The following MDGA2 variants were observed in gnomAD, a reference collection of about 807,000 sequenced individuals.
MDGA2 encodes the protein MAM domain-containing glycosylphosphatidylinositol anchor protein 2.
A neutral mutation model predicts 117.8 loss-of-function variants in MDGA2; 40 were observed. The observed-to-expected ratio is 0.34, with a 90% CI of 0.26 to 0.44. The LOEUF (loss-of-function observed/expected upper bound fraction) is 0.44. MDGA2 is among the 20% of genes least tolerant of loss of function. MDGA2 has a pLI of 1.00. For synonymous variants in MDGA2, 452 were observed against 439.0 expected (o/e 1.03, Z -0.37); for missense variants, 1,123 against 1,250.6 (o/e 0.90, Z 1.54).
intron 8 of MDGA2, among the ~76,000 whole-genome samples, chr14:47,032,841 G>A (rs567122218): frequency 6.3e-4 from 96 of 152,218 alleles, no homozygotes; most frequent in African/African-American, 2.1e-3. Flanking sequence ...TATATGGAAG[G>A]GAGGTCCTTG....
intron 6 of MDGA2, among the ~76,000 whole-genome samples, chr14:47,086,614 T>TC (rs939081195): frequency 6.6e-6 from 1 of 151,478 alleles, no homozygotes; most frequent in Non-Finnish European, 1.5e-5. Context: ...AAACATAGAT[T>TC]TTTTTTTACT....
intron 10 of MDGA2, among the ~76,000 whole-genome samples, chr14:46,892,376 T>C (rs1258536191): frequency 6.6e-6 from 1 of 151,970 alleles, no homozygotes; most frequent in Non-Finnish European, 1.5e-5. Context: ...ATTAAAGATC[T>C]ATGCATAAGA....
intron 10 of MDGA2, among the ~76,000 whole-genome samples, chr14:46,919,434 ACATTT>A (rs1207175243): frequency 2.6e-5 from 4 of 152,264 alleles, no homozygotes; most frequent in Non-Finnish European, 5.9e-5. Flanking sequence ...CGTGAATTTA[ACATTT>A]TAACCCTTTG....
chr14:47,297,658 A>G (rs1463519751), intron 2 of MDGA2, among the ~76,000 whole-genome samples: 1 of 152,198 alleles, frequency 6.6e-6, no homozygotes, highest in East Asian at 1.9e-4. Flanking sequence ...TTCTTCATGC[A>G]TCTTTGTAAT....
intron 1 of MDGA2, among the ~76,000 whole-genome samples, chr14:47,394,115 C>T (rs1457390652): frequency 2.0e-5 from 3 of 152,060 alleles, no homozygotes; most frequent in Middle Eastern, 3.4e-3. Context: ...ATATAAATAA[C>T]ATCACAATAA....
At chr14:47,466,704 A>C (rs1053440320) in intron 1 of MDGA2, among the ~76,000 whole-genome samples, 1 of 152,126 alleles carries the variant, frequency 6.6e-6, no homozygotes, top group Non-Finnish European at 1.5e-5. Context: ...GAAGTCTACA[A>C]AATCCTCCTC....
intron 9 of MDGA2, among the ~76,000 whole-genome samples, chr14:46,928,095 A>G (rs1884399246): frequency 6.6e-6 from 1 of 152,154 alleles, no homozygotes; most frequent in African/African-American, 2.4e-5. Context: ...TGCCTCTTCA[A>G]AATAAATCTG....
intron 1 of MDGA2, among the ~76,000 whole-genome samples, chr14:47,430,205 C>G (rs1347331817): frequency 6.6e-6 from 1 of 151,902 alleles, no homozygotes; most frequent in East Asian, 1.9e-4. Context: ...GTGAAAGACC[C>G]TTTCCCAGTG....
At chr14:47,183,177 A>G (rs1158658338) in intron 3 of MDGA2, among the ~76,000 whole-genome samples, 1 of 152,070 alleles carries the variant, frequency 6.6e-6, no homozygotes, top group Non-Finnish European at 1.5e-5. Flanking sequence ...TATCTAATTT[A>G]CTACATTTGA....
chr14:47,181,193 T>C (rs1884689545), intron 3 of MDGA2, among the ~76,000 whole-genome samples: 1 of 152,158 alleles, frequency 6.6e-6, no homozygotes, highest in East Asian at 1.9e-4. Flanking sequence ...TTTTAAGTCC[T>C]GCATGCATTA....
chr14:46,938,559 A>AAAAAAAAAAAAAAAAAAAC (rs1566535268), intron 9 of MDGA2, among the ~76,000 whole-genome samples: 1 of 149,042 alleles, frequency 6.7e-6, no homozygotes, highest in Non-Finnish European at 1.5e-5. Flanking sequence ...AAAAAAAAAA[A>AAAAAAAAAAAAAAAAAAAC]AGAGACATCA....
intron 5 of MDGA2, among the ~76,000 whole-genome samples, chr14:47,102,486 G>C (rs1880395439): frequency 6.6e-6 from 1 of 151,954 alleles, no homozygotes; most frequent in African/African-American, 2.4e-5. Flanking sequence ...ATCTGCTTTA[G>C]TTTGAAAGCA....
At chr14:47,258,106 C>T (rs941597811) in intron 2 of MDGA2, among the ~76,000 whole-genome samples, 8 of 152,070 alleles carry the variant, frequency 5.3e-5, no homozygotes, top group African/African-American at 1.7e-4. Flanking sequence ...CTCCTTGAAT[C>T]ATTTTCCATG....
chr14:46,941,027 C>A (rs1884979160), intron 9 of MDGA2, among the ~76,000 whole-genome samples: 1 of 152,202 alleles, frequency 6.6e-6, no homozygotes, highest in Admixed American at 6.5e-5. Context: ...ACCTGCATCA[C>A]TGTGCCTCTC....
At chr14:47,333,638 C>T (rs957633242) in intron 1 of MDGA2, among the ~76,000 whole-genome samples, 3 of 151,666 alleles carry the variant, frequency 2.0e-5, no homozygotes, top group Non-Finnish European at 4.4e-5. Flanking sequence ...CCACTATCAA[C>T]AATAGGCCAC....
chr14:47,107,685 G>A (rs1880792037), intron 5 of MDGA2, among the ~76,000 whole-genome samples: 1 of 151,248 alleles, frequency 6.6e-6, no homozygotes, highest in Admixed American at 6.6e-5. Context: ...TCAAACCCAA[G>A]CACCTTCTAC....
intron 3 of MDGA2, among the ~76,000 whole-genome samples, chr14:47,150,857 G>C (rs1343109092): frequency 1.3e-5 from 2 of 150,336 alleles, no homozygotes; most frequent in African/African-American, 4.9e-5. Flanking sequence ...CCGGGAGGTA[G>C]AGGTTGTAGT....
At chr14:47,638,240 T>C (rs965941677) in intron 1 of MDGA2, among the ~76,000 whole-genome samples, 1 of 152,098 alleles carries the variant, frequency 6.6e-6, no homozygotes, top group Non-Finnish European at 1.5e-5. Context: ...GCAGTTGAAA[T>C]CAATCAAAAT....
intron 1 of MDGA2, among the ~76,000 whole-genome samples, chr14:47,604,549 C>G (rs1468818014): frequency 7.3e-6 from 1 of 137,860 alleles, no homozygotes; most frequent in African/African-American, 2.6e-5. Context: ...TGGCTGGTCT[C>G]AAACTCCTGG....
Sources: gnomAD v4.1 joint callset for allele counts (sites outside exome capture counted in the v4.1 genomes callset) on GRCh38, gnomAD v4.1.1 for gene constraint, MANE v1.5 for transcripts, NCBI Gene and HGNC (gene_info 2026-07-23, HGNC 2026-07-21) for gene names.